The following DOCK4 variants were observed in gnomAD, a reference collection of about 807,000 sequenced individuals.
DOCK4 encodes the protein dedicator of cytokinesis protein 4.
A neutral mutation model predicts 268.1 loss-of-function variants in DOCK4; 97 were observed. The ratio of observed to expected loss-of-function variants is 0.36; its 90% CI spans 0.31 to 0.43. The LOEUF (loss-of-function observed/expected upper bound fraction) is 0.43, where lower values mean the gene tolerates loss of function less well. DOCK4 is among the 20% of genes least tolerant of loss of function. DOCK4 has a pLI of 1.00. For missense variants in DOCK4, 2,145 were observed against 2,455.7 expected (o/e 0.87, Z 2.67); for synonymous variants, 954 against 887.2 (o/e 1.08, Z -1.34).
At chr7:111,854,102 T>C (rs977764830) in intron 23 of DOCK4, among the ~76,000 whole-genome samples, 1 of 152,026 alleles carries the variant, frequency 6.6e-6, no homozygotes, top group East Asian at 1.9e-4. Context: ...GGCTAATTTT[T>C]ATATTTTTAG....
intron 4 of DOCK4, among the ~76,000 whole-genome samples, chr7:111,996,304 G>T (rs552960318): frequency 2.6e-5 from 4 of 152,286 alleles, no homozygotes; most frequent in Admixed American, 2.6e-4. Context: ...GCATAAAATT[G>T]CCATTTTAGG....
rs201295497 is a variant in DOCK4, at chr7:111,728,821, ACC to A, written c.5482-103_5482-102del. On this transcript the variant is annotated intron_variant, in intron 52 of 52. Transcript: ENST00000428084. ...CGACGCGGAGGCCCCGGCCCCCAGC[ACC>A]CCCAAAGCCGGCTGCAGCAGGAGAT... 9.0e-4 allele frequency: 1,071 copies of A among 1,190,918 alleles called. 18 individuals carry two copies. In the East Asian group the frequency reaches 0.021, roughly 24 times the overall value. The allele number at this position is 1,190,918 out of a possible 1,614,324, so 73.8% of individuals were successfully genotyped here. A position where few individuals can be genotyped will look rare whatever the true frequency, so the allele number is the denominator to read the frequency against.
chr7:112,000,746 C>G (rs1800355704), intron 2 of DOCK4, among the ~76,000 whole-genome samples: 1 of 152,126 alleles, frequency 6.6e-6, no homozygotes, highest in South Asian at 2.1e-4. Context: ...AAAACTGTAT[C>G]AAAAATTTTT....
At chr7:112,096,922 C>T (rs1810196588) in intron 1 of DOCK4, among the ~76,000 whole-genome samples, 1 of 152,136 alleles carries the variant, frequency 6.6e-6, no homozygotes, top group African/African-American at 2.4e-5. Context: ...ATAAAAGGGG[C>T]CGAGCAGCAA....
At chr7:112,056,454 C>G (rs1317415036) in intron 1 of DOCK4, among the ~76,000 whole-genome samples, 1 of 152,022 alleles carries the variant, frequency 6.6e-6, no homozygotes, top group Non-Finnish European at 1.5e-5. Flanking sequence ...AATGTGTAAG[C>G]TCTCCTAATG....
At chr7:111,789,062 C>T (rs536582059) in intron 31 of DOCK4, 3 of 376,196 alleles carry the variant, frequency 8.0e-6, no homozygotes, top group African/African-American at 2.0e-5. Context: ...AAAAAACTGG[C>T]AAGTCCTGTT....
At chr7:111,975,581 T>C (rs1798098356) in intron 8 of DOCK4, among the ~76,000 whole-genome samples, 1 of 152,186 alleles carries the variant, frequency 6.6e-6, no homozygotes, top group African/African-American at 2.4e-5. Flanking sequence ...ACTGATTCAA[T>C]TCCTCTAACA....
chr7:111,808,587 C>T (rs947244033), intron 30 of DOCK4: 8 of 443,072 alleles, frequency 1.8e-5, no homozygotes, highest in African/African-American at 3.9e-5. Flanking sequence ...TAAAATTTAT[C>T]GTTAATTAAT....
At chr7:111,783,014 GAAAGAA>G in intron 34 of DOCK4, 90 bp from the exon 35 acceptor site, 6 of 412,686 alleles carry the variant, frequency 1.5e-5, no homozygotes, top group South Asian at 4.5e-5. Context: ...AAGAAAGAAA[GAAAGAA>G]AAAAAAAAAA....
At chr7:111,802,226 A>T (rs914543673) in intron 30 of DOCK4, among the ~76,000 whole-genome samples, 1 of 152,122 alleles carries the variant, frequency 6.6e-6, no homozygotes, top group East Asian at 1.9e-4. Context: ...ACAGCTCACC[A>T]AGATGTCCTG....
intron 23 of DOCK4, among the ~76,000 whole-genome samples, chr7:111,851,146 T>C (rs1772703807): frequency 6.6e-6 from 1 of 151,970 alleles, no homozygotes; most frequent in South Asian, 2.1e-4. Flanking sequence ...AGGCTAAAGG[T>C]ATAAAAGTTC....
At chr7:111,729,604 G>C (rs1199401521) in intron 52 of DOCK4, among the ~76,000 whole-genome samples, 1 of 152,118 alleles carries the variant, frequency 6.6e-6, no homozygotes, top group Non-Finnish European at 1.5e-5. Flanking sequence ...TAGTCCTATA[G>C]TTTGGAAGAG....
At position 111,735,074 on chromosome 7, in the gene DOCK4, G is replaced by A. The variant is rs778520958; in HGVS notation, c.5399C>T (p.Pro1800Leu). Residue 1800 changes from proline to leucine, a missense_variant, in exon 51 of 53, where the codon CCT becomes CTT. Transcript: ENST00000428084. ...CCCACCAGTCTGTGTGGGTCTTGGA[G>A]GGACAGGGGGAGAGATAAGTTTCCC... is the stretch of plus-strand genomic sequence containing the variant. ...DSGKLISPPV[P>L]PRPTQTASPA... 6.3e-6 allele frequency: 10 copies of A among 1,595,646 alleles called. No homozygotes were observed. Among genetic ancestry groups the A allele is most frequent in the Admixed American group, 1.7e-5 (1 of 57,154 alleles).
chr7:111,919,870 G>A (rs1339364952), intron 12 of DOCK4, among the ~76,000 whole-genome samples: 2 of 152,132 alleles, frequency 1.3e-5, no homozygotes, highest in African/African-American at 4.8e-5. Context: ...ACCACAAAGA[G>A]CCATTGCAAT....
chr7:111,894,471 A>C (rs1265126085), intron 16 of DOCK4, among the ~76,000 whole-genome samples: 2 of 152,130 alleles, frequency 1.3e-5, no homozygotes, highest in East Asian at 3.9e-4. Context: ...ATGGTAAGAG[A>C]TGTGTGCAGA....
At chr7:111,771,443 T>C (rs1798119196) in intron 36 of DOCK4, among the ~76,000 whole-genome samples, 1 of 152,158 alleles carries the variant, frequency 6.6e-6, no homozygotes, top group South Asian at 2.1e-4. Flanking sequence ...CTGGTCTCTT[T>C]CTTAATGGGA....
intron 1 of DOCK4, among the ~76,000 whole-genome samples, chr7:112,103,225 T>A (rs1455989066): frequency 6.6e-6 from 1 of 152,232 alleles, no homozygotes; most frequent in Non-Finnish European, 1.5e-5. Context: ...TTCACTTTTA[T>A]GTTTTTTTTT....
At chr7:112,146,967 G>T (rs1291184696) in intron 1 of DOCK4, among the ~76,000 whole-genome samples, 1 of 152,036 alleles carries the variant, frequency 6.6e-6, no homozygotes, top group African/African-American at 2.4e-5. Context: ...TTTCTTAAAA[G>T]CCCCAAAGCA....
At chr7:111,897,274 CAT>C (rs1001731642) in intron 15 of DOCK4, among the ~76,000 whole-genome samples, 6 of 152,126 alleles carry the variant, frequency 3.9e-5, no homozygotes, top group South Asian at 2.1e-4. Context: ...GCACCTGACA[CAT>C]GTGATCAATC....
Sources: allele counts gnomAD v4.1 joint callset (sites outside exome capture counted in the v4.1 genomes callset), GRCh38; gene constraint gnomAD v4.1.1; transcripts MANE v1.5; gene names NCBI Gene and HGNC (gene_info 2026-07-23, HGNC 2026-07-21).